The following PCCA variants were observed in gnomAD, a reference collection of about 807,000 sequenced individuals.
PCCA encodes propionyl-CoA carboxylase subunit alpha.
PCCA carries 74 observed loss-of-function variants against 101.3 expected under a neutral mutation model. The ratio of observed to expected loss-of-function variants is 0.73; its 90% CI spans 0.61 to 0.89. PCCA has a LOEUF of 0.89. Among genes scored for constraint, PCCA ranks in the 40% least tolerant of loss-of-function variants. The pLI is 0.00. For synonymous variants in PCCA, 294 were observed against 313.6 expected, an observed-to-expected ratio of 0.94 and a Z score of 0.66; for missense variants, 891 against 907.0, an observed-to-expected ratio of 0.98 and a Z score of 0.23.
At chr13:100,099,903 A>G (rs757201038) in intron 1 of PCCA, among the ~76,000 whole-genome samples, 1 of 152,192 alleles carries the variant, frequency 6.6e-6, no homozygotes, top group African/African-American at 2.4e-5. Context: ...GAAATGTCAG[A>G]GCCAAGATTT....
Position 100,238,056 on chromosome 13 carries a change from C to T in PCCA, c.637+2178C>T, listed in dbSNP as rs116268949. ...CGGGTTCAGGTGATTCTCCTGCCTTCACCTCCTGAGTAGCTGGGATTGCAG... is the reference window on the plus strand; with the variant it reads ...CGGGTTCAGGTGATTCTCCTGCCTTTACCTCCTGAGTAGCTGGGATTGCAG... On this transcript the variant is annotated intron_variant, in intron 8 of 23. Coordinates refer to ENST00000376285, the MANE Select transcript of PCCA (RefSeq NM_000282.4). Among the ~76,000 whole-genome samples the T allele has an allele frequency of 4.1e-3, 617 of 151,188 alleles. 11 individuals carry two copies. The highest frequency in any genetic ancestry group is 0.014 in the African/African-American group (592 of 41,128).
chr13:100,155,040 A>C lies in PCCA; in HGVS notation c.362A>C (p.Tyr121Ser), dbSNP rs936088423. The C allele has an allele frequency of 6.2e-7, 1 of 1,614,108 alleles. No individual in the cohort carries two copies. The highest frequency in any genetic ancestry group is 1.6e-4 in the Middle Eastern group (1 of 6,062). The stretch of plus-strand genomic sequence containing the variant: ...GGCCCAGCTCCCACCAGTAAAAGCT[A>C]CCTCAACATGGATGCCATCATGGAA... ...CVGPAPTSKS[Y>S]LNMDAIMEAI... The change falls in exon 5 of 24, where the codon TAC (tyrosine) becomes TCC (serine). Residue 121 changes from tyrosine (Y) to serine (S), a missense_variant. Coordinates refer to ENST00000376285, the MANE Select transcript of PCCA (RefSeq NM_000282.4).
chr13:100,268,982 C>T (rs1022224162), intron 11 of PCCA, among the ~76,000 whole-genome samples, 199 bp downstream of exon 11: 9 of 152,058 alleles, frequency 5.9e-5, no homozygotes, highest in East Asian at 1.9e-4. Flanking sequence ...CCCACGTAGC[C>T]GGGACTACAG....
At chr13:100,132,761 C>T (rs1316373219) in intron 4 of PCCA, among the ~76,000 whole-genome samples, 3 of 152,074 alleles carry the variant, frequency 2.0e-5, no homozygotes, top group East Asian at 3.9e-4. Flanking sequence ...TCTTCATCCA[C>T]TTCAGCAGTC....
intron 19 of PCCA, among the ~76,000 whole-genome samples, chr13:100,408,876 A>G (rs2077847199): frequency 1.3e-5 from 2 of 152,230 alleles, no homozygotes; most frequent in Non-Finnish European, 2.9e-5. Flanking sequence ...GAAAAAAACA[A>G]CAACAAAACA....
chr13:100,353,796 T>C (rs75181592), intron 18 of PCCA, among the ~76,000 whole-genome samples: 2,084 of 151,962 alleles, frequency 0.014, 54 homozygotes, highest in African/African-American at 0.048. Context: ...CTATAAAAAA[T>C]ACAAGAATAT....
chr13:100,261,586 G>A (rs1189134831), intron 9 of PCCA, among the ~76,000 whole-genome samples: 1 of 151,970 alleles, frequency 6.6e-6, no homozygotes, highest in Admixed American at 6.6e-5. Context: ...GGCTGGTCTC[G>A]AACTTCTGAC....
intron 21 of PCCA, among the ~76,000 whole-genome samples, chr13:100,508,644 T>C (rs2086251684): frequency 6.6e-6 from 1 of 152,226 alleles, no homozygotes; most frequent in African/African-American, 2.4e-5. Context: ...TCAGAAACCA[T>C]ATATTTTCTT....
chr13:100,451,848 TCTC>T (rs1595954954), intron 21 of PCCA, among the ~76,000 whole-genome samples: 5 of 92,744 alleles, frequency 5.4e-5, no homozygotes, highest in Middle Eastern at 5.0e-3. Flanking sequence ...CTCTCTCCTC[TCTC>T]TCCTCTTCCT....
intron 4 of PCCA, among the ~76,000 whole-genome samples, chr13:100,131,980 T>C (rs2152324507): frequency 6.6e-6 from 1 of 152,226 alleles, no homozygotes; most frequent in East Asian, 1.9e-4. Flanking sequence ...AATTCACATT[T>C]TGGCAGAGAC....
chr13:100,397,558 G>GT lies in PCCA; in HGVS notation c.1747-28067dup, dbSNP rs539516788. 1.4e-3 allele frequency among the ~76,000 whole-genome samples: 206 copies of GT among 151,982 alleles called. 6 individuals are homozygous for GT. In the South Asian group the frequency reaches 0.031, roughly 23 times the overall value. On this transcript the variant is annotated intron_variant, in intron 19 of 23. Coordinates refer to ENST00000376285, the MANE Select transcript of PCCA (RefSeq NM_000282.4). ...ATTGAAATTTCTATTTTGATTCAGT[G>GT]TTTTTTTTGAAGGTATTCTTATTTT...
intron 19 of PCCA, among the ~76,000 whole-genome samples, chr13:100,371,249 A>C (rs1030149780): frequency 6.6e-6 from 1 of 152,218 alleles, no homozygotes; most frequent in African/African-American, 2.4e-5. Context: ...GGAAAGTTGC[A>C]ACAATATACA....
At chr13:100,369,417 A>G (rs766126852) in intron 19 of PCCA, among the ~76,000 whole-genome samples, 10 of 152,328 alleles carry the variant, frequency 6.6e-5, no homozygotes, top group Admixed American at 1.3e-4. Flanking sequence ...GTGTGGCTTG[A>G]GAGGGGTACG....
chr13:100,302,919 T>C lies in PCCA; in HGVS notation c.1210-5T>C, dbSNP rs1192432720. The C allele has an allele frequency of 6.4e-7, 1 of 1,571,742 alleles. No homozygotes were observed. The highest frequency in any genetic ancestry group is 1.1e-5 in the South Asian group (1 of 90,250). ...GACTGTGCTTCCTTTCCTTTGAACT[T>C]TCAGGACCCCTACAAGTCTTTTGGT... On this transcript the variant is annotated splice_region_variant and splice_polypyrimidine_tract_variant and intron_variant, in intron 13 of 23. Transcript: ENST00000376285.
intron 22 of PCCA, among the ~76,000 whole-genome samples, chr13:100,526,393 G>A (rs959787591): frequency 6.6e-5 from 10 of 152,346 alleles, no homozygotes; most frequent in Admixed American, 5.9e-4. Flanking sequence ...CCTTGGCATC[G>A]TCTCTCTTCC....
intron 12 of PCCA, among the ~76,000 whole-genome samples, chr13:100,290,141 T>G (rs2065015255): frequency 6.6e-6 from 1 of 152,202 alleles, no homozygotes; most frequent in African/African-American, 2.4e-5. Flanking sequence ...GGTGTCATTC[T>G]GATTTCTTTC....
At chr13:100,307,141 A>G (rs2066512229) in intron 14 of PCCA, 51 bp from the exon 15 acceptor site, 1 of 1,348,514 alleles carries the variant, frequency 7.4e-7, no homozygotes, top group Non-Finnish European at 1.0e-6. Context: ...GGTTACAAAA[A>G]AATATCTACA....
At chr13:100,406,965 A>G (rs559926358) in intron 19 of PCCA, among the ~76,000 whole-genome samples, 196 of 152,314 alleles carry the variant, frequency 1.3e-3, no homozygotes, top group African/African-American at 4.3e-3. Context: ...TTAAAATTCT[A>G]TAGCTTATTA....
intron 7 of PCCA, among the ~76,000 whole-genome samples, chr13:100,230,551 A>G (rs1346395708): frequency 3.3e-5 from 5 of 151,784 alleles, no homozygotes; most frequent in Non-Finnish European, 2.9e-5. Flanking sequence ...AAAAAAAAAA[A>G]AAAGAAAGAA....
Sources: allele counts gnomAD v4.1 joint callset (sites outside exome capture counted in the v4.1 genomes callset), GRCh38; gene constraint gnomAD v4.1.1; transcripts MANE v1.5; gene names NCBI Gene and HGNC (gene_info 2026-07-23, HGNC 2026-07-21).